The following GALNT17 variants were observed in gnomAD, a reference collection of about 807,000 sequenced individuals.
The protein encoded by GALNT17 is UDP-GalNAc:polypeptide N-acetylgalactosaminyltransferase-like 3.
Under a neutral mutation model 63.7 loss-of-function variants are expected in GALNT17, and 29 were observed. The observed-to-expected ratio is 0.46, with a 90% CI of 0.34 to 0.62. The LOEUF is 0.62. Among genes scored for constraint, GALNT17 ranks in the 20% least tolerant of loss-of-function variants. GALNT17 has a pLI of 0.01. For missense variants in GALNT17, 603 were observed against 799.6 expected (o/e 0.75, Z 2.97); for synonymous variants, 305 against 318.3 (o/e 0.96, Z 0.45).
chr7:71,470,059 C>T (rs1422596551), intron 5 of GALNT17, among the ~76,000 whole-genome samples: 1 of 152,032 alleles, frequency 6.6e-6, no homozygotes, highest in African/African-American at 2.4e-5. Context: ...AAATAAAAAA[C>T]GTAGCCGTGC....
chr7:71,669,841 A>C, intron 7 of GALNT17, 131 bp from the exon 8 acceptor site: 2 of 1,162,350 alleles, frequency 1.7e-6, no homozygotes, highest in Non-Finnish European at 2.4e-6. Flanking sequence ...GATTACAGGC[A>C]TGAGCCACCG....
At chr7:71,510,967 G>A (rs190739020) in intron 5 of GALNT17, among the ~76,000 whole-genome samples, 241 of 152,150 alleles carry the variant, frequency 1.6e-3, no homozygotes, top group African/African-American at 5.5e-3. Context: ...GAAGCCAGGA[G>A]TTCCAGATCA....
At chr7:71,666,761 A>T (rs879349194) in intron 7 of GALNT17, among the ~76,000 whole-genome samples, 1 of 152,192 alleles carries the variant, frequency 6.6e-6, no homozygotes, top group Non-Finnish European at 1.5e-5. Context: ...ACTTATAGAT[A>T]ATACAATGTA....
At chr7:71,185,522 C>CTTT (rs747181057) in intron 1 of GALNT17, among the ~76,000 whole-genome samples, 7 of 124,640 alleles carry the variant, frequency 5.6e-5, no homozygotes, top group South Asian at 5.3e-4. Flanking sequence ...CGTTTCTTTT[C>CTTT]TTTTTTTTTT....
intron 3 of GALNT17, among the ~76,000 whole-genome samples, chr7:71,397,941 T>TCGTTGTTG (rs1563063497): frequency 2.4e-4 from 36 of 150,690 alleles, no homozygotes; most frequent in Admixed American, 7.3e-4. Flanking sequence ...CATTATTGTC[T>TCGTTGTTG]TTGTTGTTGT....
At chr7:71,659,787 G>A (rs939625603) in intron 6 of GALNT17, among the ~76,000 whole-genome samples, 1 of 152,182 alleles carries the variant, frequency 6.6e-6, no homozygotes, top group African/African-American at 2.4e-5. Flanking sequence ...AGCACACCCT[G>A]CTCTCTCCTT....
chr7:71,213,712 T>C (rs1334182614), intron 1 of GALNT17, among the ~76,000 whole-genome samples: 1 of 152,256 alleles, frequency 6.6e-6, no homozygotes, highest in East Asian at 1.9e-4. Context: ...TCTTTTATAT[T>C]GGGTGTTATA....
At chr7:71,305,516 C>G (rs551251324) in intron 1 of GALNT17, among the ~76,000 whole-genome samples, 2 of 152,314 alleles carry the variant, frequency 1.3e-5, no homozygotes, top group African/African-American at 4.8e-5. Flanking sequence ...TTCTTAAAAT[C>G]TGGGCTCTCA....
intron 1 of GALNT17, among the ~76,000 whole-genome samples, chr7:71,310,571 C>T (rs1583851227): frequency 6.6e-6 from 1 of 152,168 alleles, no homozygotes; most frequent in East Asian, 1.9e-4. Flanking sequence ...GGCCTGGGGT[C>T]CCAGATGCCT....
At chr7:71,528,763 T>C (rs542108240) in intron 5 of GALNT17, among the ~76,000 whole-genome samples, 21 of 152,214 alleles carry the variant, frequency 1.4e-4, no homozygotes, top group African/African-American at 4.8e-4. Context: ...CACCTGTTTC[T>C]CAAAAATGAT....
intron 6 of GALNT17, among the ~76,000 whole-genome samples, chr7:71,606,809 T>C (rs1465392289): frequency 1.3e-5 from 2 of 152,206 alleles, no homozygotes; most frequent in African/African-American, 2.4e-5. Context: ...TTTTTTCTGC[T>C]CATAATTCTG....
At chr7:71,570,769 C>T (rs1292166441) in intron 5 of GALNT17, among the ~76,000 whole-genome samples, 5 of 152,066 alleles carry the variant, frequency 3.3e-5, no homozygotes, top group African/African-American at 1.2e-4. Context: ...CACCTGAGGT[C>T]AGGAGTTCGA....
chr7:71,330,145 T>TG (rs1296028088), intron 1 of GALNT17, among the ~76,000 whole-genome samples: 2 of 151,938 alleles, frequency 1.3e-5, no homozygotes, highest in Non-Finnish European at 2.9e-5. Context: ...CACAAGTAGC[T>TG]GGGACTACAG....
intron 5 of GALNT17, among the ~76,000 whole-genome samples, chr7:71,508,379 T>G (rs957229353): frequency 6.6e-6 from 1 of 152,226 alleles, no homozygotes; most frequent in African/African-American, 2.4e-5. Flanking sequence ...GATTCCATCA[T>G]GCAAAGATTT....
At chr7:71,545,174 A>G (rs1461871272) in intron 5 of GALNT17, among the ~76,000 whole-genome samples, 1 of 152,030 alleles carries the variant, frequency 6.6e-6, no homozygotes, top group Non-Finnish European at 1.5e-5. Context: ...TTCTCCTCGT[A>G]TGTATAACCT....
rs1432275367 is a variant in GALNT17 at position 71,377,124 on chromosome 7, T to A, written c.423-11111T>A. Among the ~76,000 whole-genome samples the A allele has an allele frequency of 2.7e-3, 262 of 95,292 alleles. 8 individuals carry two copies. Among genetic ancestry groups the A allele is most frequent in the Non-Finnish European group, 3.5e-3 (158 of 45,700 alleles). 62.5% of individuals were successfully genotyped at this position (95,292 alleles called of 152,430 possible). The stretch of plus-strand genomic sequence containing the variant: ...AATAAAAATAAAAAAAATATATATA[T>A]ATATATATATATATATAAAATCTCC... On this transcript the variant is annotated intron_variant, in intron 2 of 10. Coordinates refer to ENST00000333538, the MANE Select transcript of GALNT17 (RefSeq NM_022479.3).
At chr7:71,704,850 T>C (rs1244582050) in intron 9 of GALNT17, among the ~76,000 whole-genome samples, 2 of 150,070 alleles carry the variant, frequency 1.3e-5, no homozygotes, top group Non-Finnish European at 2.9e-5. Flanking sequence ...CCTTATACTA[T>C]ACAGAAAAAA....
chr7:71,443,937 G>A (rs754598057), intron 5 of GALNT17, among the ~76,000 whole-genome samples: 1 of 152,136 alleles, frequency 6.6e-6, no homozygotes, highest in African/African-American at 2.4e-5. Context: ...ATGTTGGCCA[G>A]GCTGGTCTCG....
intron 6 of GALNT17, among the ~76,000 whole-genome samples, chr7:71,647,684 A>G (rs1179953970): frequency 1.3e-5 from 2 of 152,220 alleles, no homozygotes; most frequent in Admixed American, 1.3e-4. Flanking sequence ...GTCTGTGGCC[A>G]TGAACACATC....
Sources: allele counts gnomAD v4.1 joint callset (sites outside exome capture counted in the v4.1 genomes callset), GRCh38; gene constraint gnomAD v4.1.1; transcripts MANE v1.5; gene names NCBI Gene and HGNC (gene_info 2026-07-23, HGNC 2026-07-21).